The following PIK3CD variants were observed in gnomAD, a reference collection of about 807,000 sequenced individuals.
The protein encoded by PIK3CD is phosphatidylinositol 4,5-bisphosphate 3-kinase catalytic subunit delta isoform.
Under a neutral mutation model 122.9 loss-of-function variants are expected in PIK3CD, and 20 were observed. The observed-to-expected ratio is 0.16, with a 90% CI of 0.11 to 0.24. The LOEUF (loss-of-function observed/expected upper bound fraction) is 0.24. Ranked by LOEUF, PIK3CD falls within the 10% of genes least tolerant of loss-of-function variation. The probability of loss-of-function intolerance (pLI) is 1.00; values close to 1 mark genes in which losing one functional copy is unlikely to be tolerated. For synonymous variants in PIK3CD, 596 were observed against 593.4 expected, an observed-to-expected ratio of 1.00 and a Z score of -0.06; for missense variants, 787 against 1,406.3, an observed-to-expected ratio of 0.56 and a Z score of 7.04.
At chr1:9,639,181 T>C in the PIK3CD span, among the ~76,000 whole-genome samples, 10 of 152,302 alleles carry the variant, frequency 6.6e-5, no homozygotes, top group African/African-American at 2.2e-4. Flanking sequence ...CACTTTTTCA[T>C]CCTTGTCTTT....
At chr1:9,671,190 C>T (rs74381640) in intron 1 of PIK3CD, among the ~76,000 whole-genome samples, 2,922 of 152,190 alleles carry the variant, frequency 0.019, 52 homozygotes, top group Non-Finnish European at 0.031. Context: ...TCCTTGATCT[C>T]CTGGGCTCAA....
At chr1:9,675,660 G>T (rs1645504180) in intron 1 of PIK3CD, among the ~76,000 whole-genome samples, 1 of 152,042 alleles carries the variant, frequency 6.6e-6, no homozygotes, top group African/African-American at 2.4e-5. Context: ...TATGCAGGAG[G>T]GGCTTCCTGG....
At chr1:9,721,942 C>G (rs1648744785) in intron 16 of PIK3CD, 33 bp from the exon 17 acceptor site, 2 of 1,612,948 alleles carry the variant, frequency 1.2e-6, no homozygotes, top group African/African-American at 1.3e-5. Context: ...AGGCTGGGAC[C>G]TGCCCACCGC....
intron 1 of PIK3CD, among the ~76,000 whole-genome samples, chr1:9,675,291 C>A (rs1557610203): frequency 1.4e-5 from 2 of 142,604 alleles, no homozygotes; most frequent in Non-Finnish European, 3.0e-5. Context: ...GAGGCTGAGG[C>A]AGGAGAATGG....
At chr1:9,675,082 G>A (rs2101041369) in intron 1 of PIK3CD, among the ~76,000 whole-genome samples, 1 of 150,634 alleles carries the variant, frequency 6.6e-6, no homozygotes, top group South Asian at 2.1e-4. Flanking sequence ...AAGCTAATTA[G>A]CCTTATGACA....
the PIK3CD span, among the ~76,000 whole-genome samples, chr1:9,637,959 T>C: frequency 6.6e-6 from 1 of 151,510 alleles, no homozygotes; most frequent in South Asian, 2.1e-4. Flanking sequence ...CAAAAATAAT[T>C]AGCCAGCCAT....
chr1:9,673,310 C>G (rs1014267324), intron 1 of PIK3CD, among the ~76,000 whole-genome samples: 1 of 151,940 alleles, frequency 6.6e-6, no homozygotes, highest in Non-Finnish European at 1.5e-5. Context: ...CCCCGGCTGG[C>G]GTGTAATGGT....
At position 9,727,415 on chromosome 1, in the gene PIK3CD, C is replaced by T. The variant is rs530908492; in HGVS notation, c.*369C>T. ...AGACTGCCTGGGTCCTGGCGCCTGGCGGTCACCTGGTGCCTACTGTCCGAC... is the reference window on the plus strand; with the variant it reads ...AGACTGCCTGGGTCCTGGCGCCTGGTGGTCACCTGGTGCCTACTGTCCGAC... On this transcript the variant is annotated 3_prime_UTR_variant, in exon 24 of 24. Coordinates refer to ENST00000377346, the MANE Select transcript of PIK3CD (RefSeq NM_005026.5). 1.7e-4 allele frequency: 69 copies of T among 414,278 alleles called. 1 individual carries two copies. The highest frequency in any genetic ancestry group is 1.4e-3 in the South Asian group (63 of 45,006). The allele number at this position is 414,278 out of a possible 1,614,324, so 25.7% of individuals were successfully genotyped here.
At chr1:9,643,145 A>G in the PIK3CD span, among the ~76,000 whole-genome samples, 1 of 151,806 alleles carries the variant, frequency 6.6e-6, no homozygotes, top group East Asian at 1.9e-4. Context: ...ATGGTGGCTC[A>G]TGCCTGTAAT....
the PIK3CD span, among the ~76,000 whole-genome samples, chr1:9,646,324 C>T: frequency 4.6e-5 from 7 of 152,094 alleles, no homozygotes; most frequent in Admixed American, 2.0e-4. Context: ...GACAGCCCGC[C>T]GTAACAAAAG....
intron 1 of PIK3CD, among the ~76,000 whole-genome samples, chr1:9,680,521 T>C (rs1175499924): frequency 6.6e-6 from 1 of 152,226 alleles, no homozygotes; most frequent in Non-Finnish European, 1.5e-5. Flanking sequence ...TCTCTACTTT[T>C]CTTCCATCTC....
chr1:9,721,918 C>T, intron 16 of PIK3CD, 57 bp from the exon 17 acceptor site: 5 of 1,612,600 alleles, frequency 3.1e-6, no homozygotes, highest in Admixed American at 3.3e-5. Context: ...CTGGGAATCC[C>T]CAGGGCTGGG....
chr1:9,690,120 C>T (rs1646145602), intron 1 of PIK3CD, among the ~76,000 whole-genome samples: 1 of 152,156 alleles, frequency 6.6e-6, no homozygotes, highest in Admixed American at 6.5e-5. Flanking sequence ...GCGTCCTCCC[C>T]TCCCCCTGCC....
At chr1:9,657,994 G>A (rs1204495323) in intron 1 of PIK3CD, among the ~76,000 whole-genome samples, 1 of 152,142 alleles carries the variant, frequency 6.6e-6, no homozygotes, top group Non-Finnish European at 1.5e-5. Context: ...AGCCACAGTG[G>A]GGGCATTGCT....
the PIK3CD span, among the ~76,000 whole-genome samples, chr1:9,643,416 CAG>C: frequency 8.8e-6 from 1 of 114,014 alleles, no homozygotes; most frequent in African/African-American, 3.4e-5. Context: ...TGAAGAAAGA[CAG>C]AAAGTGAGAG....
At chr1:9,708,111 A>C (rs1265757837) in intron 2 of PIK3CD, among the ~76,000 whole-genome samples, 1 of 152,012 alleles carries the variant, frequency 6.6e-6, no homozygotes, top group Non-Finnish European at 1.5e-5. Flanking sequence ...GGTAAATCTA[A>C]AGAACAGCAC....
At chr1:9,670,435 GGACCGT>G (rs1183723107) in intron 1 of PIK3CD, among the ~76,000 whole-genome samples, 2 of 152,148 alleles carry the variant, frequency 1.3e-5, no homozygotes, top group African/African-American at 4.8e-5. Context: ...TTCTCCAGCA[GGACCGT>G]GTTTTGAAAA....
chr1:9,721,889 A>G (rs1557671698), intron 16 of PIK3CD, 29 bp downstream of exon 16: 2 of 1,611,648 alleles, frequency 1.2e-6, no homozygotes, highest in East Asian at 4.5e-5. Flanking sequence ...GGGGGCGGGC[A>G]GGGGGCGGCC....
In PIK3CD at chr1:9,722,961, T is replaced by TGCCGGCATCTCCAAGGA. The variant is rs1553171396; in HGVS notation, c.2427-160_2427-144dup. On this transcript the variant is annotated intron_variant, in intron 19 of 23. Coordinates refer to ENST00000377346, the MANE Select transcript of PIK3CD (RefSeq NM_005026.5). This position sits in a 1 kb window ranked among gnomAD's most constrained non-coding sequence, Gnocchi z 7.6. ...GTGCTTTCTGCACCTCAGATGCTGG[T>TGCCGGCATCTCCAAGGA]GCCGGCATCTCCAAGGAGCCAGCAT... Among the ~76,000 whole-genome samples the TGCCGGCATCTCCAAGGA allele has an allele frequency of 1.3e-5, 2 of 152,186 alleles. No individual in the cohort carries two copies. Among genetic ancestry groups the TGCCGGCATCTCCAAGGA allele is most frequent in the Non-Finnish European group, 2.9e-5 (2 of 68,028 alleles).
Sources: gnomAD v4.1 joint callset for allele counts (sites outside exome capture counted in the v4.1 genomes callset) on GRCh38, gnomAD v4.1.1 for gene constraint, Gnocchi (gnomAD v3.1) non-coding constraint, MANE v1.5 for transcripts, NCBI Gene and HGNC (gene_info 2026-07-23, HGNC 2026-07-21) for gene names.